The following NELL1 variants were observed in gnomAD, a reference collection of about 807,000 sequenced individuals.
The protein encoded by NELL1 is protein kinase C-binding protein NELL1.
NELL1 carries 76 observed loss-of-function variants against 107.4 expected under a neutral mutation model. The ratio of observed to expected loss-of-function variants is 0.71; its 90% CI spans 0.59 to 0.86. The LOEUF (loss-of-function observed/expected upper bound fraction) is 0.86, where lower values mean the gene tolerates loss of function less well. Ranked by LOEUF, NELL1 falls within the 40% of genes least tolerant of loss-of-function variation. The pLI is 0.00. For missense variants in NELL1, 1,024 were observed against 1,005.5 expected, an observed-to-expected ratio of 1.02 and a Z score of -0.25; for synonymous variants, 353 against 341.2, an observed-to-expected ratio of 1.03 and a Z score of -0.38.
chr11:21,228,424 C>T (rs1857949406), intron 13 of NELL1, among the ~76,000 whole-genome samples: 1 of 152,064 alleles, frequency 6.6e-6, no homozygotes, highest in Admixed American at 6.6e-5. Flanking sequence ...GATTCTGAAC[C>T]CTATGAAAGT....
At chr11:21,422,188 A>G (rs1414070253) in intron 15 of NELL1, among the ~76,000 whole-genome samples, 1 of 152,084 alleles carries the variant, frequency 6.6e-6, no homozygotes, top group Non-Finnish European at 1.5e-5. Flanking sequence ...AGAGTTCAGT[A>G]CCACTAGACC....
intron 5 of NELL1, among the ~76,000 whole-genome samples, chr11:20,887,065 G>A (rs1849523983): frequency 6.6e-6 from 1 of 152,076 alleles, no homozygotes; most frequent in Non-Finnish European, 1.5e-5. Context: ...CTGTAGTTTT[G>A]TCTTTACCAG....
At position 20,918,071 on chromosome 11, in the gene NELL1, A is replaced by G. The variant is rs949925054; in HGVS notation, c.604-111A>G. 4.4e-5 allele frequency: 32 copies of G among 724,348 alleles called. No homozygotes were observed. In the African/African-American group the frequency reaches 4.9e-4, roughly 11 times the overall value. The allele number at this position is 724,348 out of a possible 1,614,324, so 44.9% of individuals were successfully genotyped here. A position where few individuals can be genotyped will look rare whatever the true frequency, so the allele number is the denominator to read the frequency against. The stretch of plus-strand genomic sequence containing the variant: ...CTAAGGCCAGCTCACCCTTTGAATG[A>G]ATCAATTTTGTTGAAAAATAATCTG... On this transcript the variant is annotated intron_variant, in intron 5 of 19. Transcript: ENST00000357134.
intron 12 of NELL1, among the ~76,000 whole-genome samples, chr11:21,022,108 T>C (rs952213099): frequency 2.0e-5 from 3 of 152,068 alleles, no homozygotes; most frequent in Non-Finnish European, 4.4e-5. Context: ...TTTCCCCTGG[T>C]TGGCAAAATT....
intron 3 of NELL1, among the ~76,000 whole-genome samples, chr11:20,823,529 C>T (rs1170505615): frequency 6.6e-6 from 1 of 151,122 alleles, no homozygotes; most frequent in African/African-American, 2.4e-5. Context: ...CAGCCAAATC[C>T]CCTTGGACTT....
In NELL1 at chr11:20,983,337, C is replaced by G. The variant is rs80201605; in HGVS notation, c.1300+22777C>G. On this transcript the variant is annotated intron_variant, in intron 12 of 19. Transcript: ENST00000357134. ...CCAGACATTGGCCTCTGCTAACTCC[C>G]CATCCCCCATCCCCAACCCATCTAT... 8.5e-3 allele frequency among the ~76,000 whole-genome samples: 1,289 copies of G among 152,222 alleles called. 18 individuals carry two copies. Among genetic ancestry groups the G allele is most frequent in the African/African-American group, 0.03 (1,248 of 41,524 alleles).
At chr11:21,258,254 C>A (rs916573945) in intron 14 of NELL1, among the ~76,000 whole-genome samples, 1 of 151,958 alleles carries the variant, frequency 6.6e-6, no homozygotes, top group Non-Finnish European at 1.5e-5. Context: ...AGAAGAAAAG[C>A]TGTTTCTTGA....
intron 12 of NELL1, among the ~76,000 whole-genome samples, chr11:21,078,312 A>G (rs1403022603): frequency 6.6e-6 from 1 of 152,144 alleles, no homozygotes; most frequent in Admixed American, 6.6e-5. Context: ...CAAAAAACAC[A>G]TTGAATAAGG....
chr11:21,049,844 A>AT (rs1853449288), intron 12 of NELL1, among the ~76,000 whole-genome samples: 1 of 151,960 alleles, frequency 6.6e-6, no homozygotes, highest in African/African-American at 2.4e-5. Flanking sequence ...CTCCTGGCTA[A>AT]TTTTTGTATT....
At chr11:20,918,137 TG>T (rs760497740) in intron 5 of NELL1, 44 bp from the exon 6 acceptor site, 3 of 1,046,952 alleles carry the variant, frequency 2.9e-6, no homozygotes, top group Non-Finnish European at 4.5e-6. Flanking sequence ...ACATTTGAGC[TG>T]GTGACTGTAA....
At chr11:21,341,433 G>A (rs1348398471) in intron 14 of NELL1, among the ~76,000 whole-genome samples, 1 of 152,190 alleles carries the variant, frequency 6.6e-6, no homozygotes, top group Non-Finnish European at 1.5e-5. Flanking sequence ...TGTGTGGCAG[G>A]CAAAGGGGAA....
intron 15 of NELL1, among the ~76,000 whole-genome samples, chr11:21,454,381 A>G (rs1853668366): frequency 6.6e-6 from 1 of 152,120 alleles, no homozygotes; most frequent in South Asian, 2.1e-4. Context: ...TAATGCCGCA[A>G]TAAACATACG....
chr11:20,849,907 C>T (rs771796420), intron 4 of NELL1, among the ~76,000 whole-genome samples: 13 of 152,096 alleles, frequency 8.5e-5, no homozygotes, highest in East Asian at 5.8e-4. Context: ...TTAGATTCCC[C>T]GAGGGCGGAA....
intron 12 of NELL1, among the ~76,000 whole-genome samples, chr11:21,010,119 T>C (rs1033617680): frequency 1.3e-5 from 2 of 152,064 alleles, no homozygotes; most frequent in South Asian, 4.1e-4. Flanking sequence ...TAGTAGAGCA[T>C]TGTTTAATTC....
chr11:21,204,016 G>C (rs866207400), intron 13 of NELL1, among the ~76,000 whole-genome samples: 1 of 152,104 alleles, frequency 6.6e-6, no homozygotes, highest in African/African-American at 2.4e-5. Context: ...TGGGTAACCC[G>C]ACCTTACTCT....
chr11:20,890,739 A>C (rs1849600608), intron 5 of NELL1, among the ~76,000 whole-genome samples: 1 of 151,526 alleles, frequency 6.6e-6, no homozygotes, highest in Non-Finnish European at 1.5e-5. Flanking sequence ...AGCTGAATTG[A>C]CCAAGCAGAA....
chr11:21,119,549 A>T (rs1855316806), intron 13 of NELL1, among the ~76,000 whole-genome samples: 1 of 152,038 alleles, frequency 6.6e-6, no homozygotes, highest in Admixed American at 6.6e-5. Context: ...GGAGCTCTGT[A>T]CTTTTTTGTA....
At chr11:21,437,535 T>A (rs1189658931) in intron 15 of NELL1, among the ~76,000 whole-genome samples, 1 of 152,094 alleles carries the variant, frequency 6.6e-6, no homozygotes, top group Non-Finnish European at 1.5e-5. Flanking sequence ...AATTTTGTAT[T>A]TTTAGTAGAG....
intron 7 of NELL1, among the ~76,000 whole-genome samples, chr11:20,921,214 G>T (rs1389436235): frequency 6.6e-6 from 1 of 152,118 alleles, no homozygotes; most frequent in Non-Finnish European, 1.5e-5. Flanking sequence ...AGTAAGTAGA[G>T]GGCCAGATTT....
Sources: gnomAD v4.1 joint callset for allele counts (sites outside exome capture counted in the v4.1 genomes callset) on GRCh38, gnomAD v4.1.1 for gene constraint, MANE v1.5 for transcripts, NCBI Gene and HGNC (gene_info 2026-07-23, HGNC 2026-07-21) for gene names.